Variants in SMCHD1 observed in about 807,000 individuals in gnomAD.
The protein encoded by SMCHD1 is structural maintenance of chromosomes flexible hinge domain containing 1, also known as structural maintenance of chromosomes flexible hinge domain-containing protein 1.
In SMCHD1, 78 loss-of-function variants were observed where a neutral mutation model predicts 254.7. The ratio of observed to expected loss-of-function variants is 0.31; its 90% CI spans 0.26 to 0.37. The LOEUF is 0.37. Ranked by LOEUF, SMCHD1 falls within the 10% of genes least tolerant of loss-of-function variation. The probability of loss-of-function intolerance (pLI) is 1.00; values close to 1 mark genes in which losing one functional copy is unlikely to be tolerated. For missense variants in SMCHD1, 1,840 were observed against 2,408.1 expected (o/e 0.76, Z 4.94); for synonymous variants, 766 against 794.9 (o/e 0.96, Z 0.61).
chr18:2,758,628 A>T (rs2075726212), intron 34 of SMCHD1, among the ~76,000 whole-genome samples: 1 of 152,116 alleles, frequency 6.6e-6, no homozygotes, highest in Non-Finnish European at 1.5e-5. Flanking sequence ...TTACCTGAAA[A>T]TATCTTTATT....
intron 5 of SMCHD1, among the ~76,000 whole-genome samples, chr18:2,677,592 A>G (rs913183743): frequency 6.6e-6 from 1 of 152,174 alleles, no homozygotes; most frequent in African/African-American, 2.4e-5. Flanking sequence ...GTCACTTTCT[A>G]TCTCCTGGCA....
intron 5 of SMCHD1, among the ~76,000 whole-genome samples, chr18:2,686,529 T>C (rs2074055605): frequency 6.6e-6 from 1 of 152,244 alleles, no homozygotes; most frequent in East Asian, 1.9e-4. Flanking sequence ...ACATATAGTC[T>C]GTTTTTCTCT....
intron 8 of SMCHD1, 71 bp downstream of exon 8, chr18:2,694,764 A>G: frequency 1.5e-6 from 2 of 1,313,530 alleles, no homozygotes; most frequent in Admixed American, 2.0e-5. Flanking sequence ...TTACAGATAT[A>G]TTGAAGCCTC....
At chr18:2,658,908 GCATATATACATATATACA>G (rs2073160307) in intron 1 of SMCHD1, among the ~76,000 whole-genome samples, 1 of 148,126 alleles carries the variant, frequency 6.8e-6, no homozygotes, top group Non-Finnish European at 1.5e-5. Context: ...ACGTGTATAC[GCATATATACATATATACA>G]CATATATACA....
rs1290487792 is a variant in SMCHD1, at chr18:2,793,493, CT to C, written c.5720-2455del. ...CCTGGCTAACACAGTGAAACCCTGT[CT>C]CTACTAAAAATACAAAAAAAATCAG... On this transcript the variant is annotated intron_variant, in intron 45 of 47. Coordinates refer to ENST00000320876, the MANE Select transcript of SMCHD1 (RefSeq NM_015295.3). Among the ~76,000 whole-genome samples the C allele has an allele frequency of 2.6e-5, 4 of 151,864 alleles. No individual in the cohort carries two copies. In the East Asian group the frequency reaches 7.8e-4, roughly 29 times the overall value.
chr18:2,692,096 T>C (rs2074192440), intron 7 of SMCHD1, among the ~76,000 whole-genome samples: 1 of 152,244 alleles, frequency 6.6e-6, no homozygotes, highest in Non-Finnish European at 1.5e-5. Context: ...CAAACAGTAT[T>C]TTTTTGCCTT....
chr18:2,740,975 A>G (rs1335332073), intron 28 of SMCHD1, among the ~76,000 whole-genome samples, 154 bp downstream of exon 28: 4 of 152,208 alleles, frequency 2.6e-5, no homozygotes, highest in African/African-American at 9.6e-5. Context: ...AAAAGTTTGA[A>G]CATATGCAGA....
At chr18:2,796,842 CA>C (rs2076273165) in intron 47 of SMCHD1, 2 of 251,994 alleles carry the variant, frequency 7.9e-6, no homozygotes. Flanking sequence ...CTTGGCCTCT[CA>C]AAGTACTGGG....
intron 43 of SMCHD1, 111 bp downstream of exon 43, chr18:2,778,026 GT>G (rs2076095391): frequency 1.0e-6 from 1 of 996,966 alleles, no homozygotes; most frequent in Non-Finnish European, 1.5e-6. Context: ...ATCAGTCATA[GT>G]TTTATCAGTT....
At chr18:2,765,895 AC>A (rs1484821130) in intron 37 of SMCHD1, among the ~76,000 whole-genome samples, 1 of 152,148 alleles carries the variant, frequency 6.6e-6, no homozygotes, top group Non-Finnish European at 1.5e-5. Flanking sequence ...GACATACTTA[AC>A]ATGCAGAGTG....
At chr18:2,755,135 G>T (rs939647323) in intron 34 of SMCHD1, among the ~76,000 whole-genome samples, 2 of 151,924 alleles carry the variant, frequency 1.3e-5, no homozygotes, top group Admixed American at 1.3e-4. Flanking sequence ...GCTCACTGTA[G>T]CCTTGACCTC....
At chr18:2,662,595 A>C (rs2073317051) in intron 1 of SMCHD1, among the ~76,000 whole-genome samples, 1 of 146,952 alleles carries the variant, frequency 6.8e-6, no homozygotes, top group African/African-American at 2.5e-5. Context: ...CAGTGAGCTG[A>C]GATCGTGCCA....
At chr18:2,678,592 C>T (rs1175638578) in intron 5 of SMCHD1, among the ~76,000 whole-genome samples, 1 of 152,160 alleles carries the variant, frequency 6.6e-6, no homozygotes, top group Non-Finnish European at 1.5e-5. Flanking sequence ...ACTGGGATTA[C>T]AGGCGTGAGC....
At chr18:2,719,121 A>C (rs533170201) in intron 19 of SMCHD1, among the ~76,000 whole-genome samples, 1 of 151,378 alleles carries the variant, frequency 6.6e-6, no homozygotes, top group South Asian at 2.1e-4. Flanking sequence ...TGTACCTCGT[A>C]TACCCTTTCA....
chr18:2,728,437 A>T lies in SMCHD1; in HGVS notation c.2774-20A>T. 1 of 1,609,382 alleles carries T rather than the reference A, an allele frequency of 6.2e-7. No individual in the cohort carries two copies. The highest frequency in any genetic ancestry group is 8.5e-7 in the Non-Finnish European group (1 of 1,177,820). ...TCTTTGAAACCTGAATATGTATTTC[A>T]TTGTATAATTTACTGTTAGGTCACC... On this transcript the variant is annotated intron_variant, in intron 22 of 47. Transcript: ENST00000320876.
At chr18:2,673,198 C>G in intron 3 of SMCHD1, 83 bp from the exon 4 acceptor site, 1 of 1,443,470 alleles carries the variant, frequency 6.9e-7, no homozygotes, top group Non-Finnish European at 9.2e-7. Flanking sequence ...CTTTAAGGTA[C>G]TTGATAGTTT....
chr18:2,755,167 A>T (rs2075649653), intron 34 of SMCHD1, among the ~76,000 whole-genome samples: 1 of 151,888 alleles, frequency 6.6e-6, no homozygotes, highest in Non-Finnish European at 1.5e-5. Context: ...CAATCTTCCT[A>T]CCTCAGCCTC....
chr18:2,784,339 A>C, intron 44 of SMCHD1, 111 bp from the exon 45 acceptor site: 1 of 929,570 alleles, frequency 1.1e-6, no homozygotes, highest in Non-Finnish European at 1.5e-6. Context: ...GTTTTTGAAA[A>C]TACTACTGTG....
chr18:2,770,028 A>G lies in SMCHD1; in HGVS notation c.4886A>G (p.Glu1629Gly). ...CAACAAATGGCAGCACTTACAAAAG[A>G]AAAGGACCAATTATCTCAGTCTATT... ...KQQQMAALTK[E>G]KDQLSQSIVM... The change falls in exon 39 of 48, where the codon GAA becomes GGA. Residue 1629 changes from glutamate to glycine, a missense_variant. Physicochemically the swap from Glu to Gly is moderately conservative, Grantham distance 98 (BLOSUM62 -2). This residue lies in a region of SMCHD1 where 881 missense variants were observed against 1,009.5 expected (regional missense o/e 0.87). Transcript: ENST00000320876. The G allele has an allele frequency of 6.2e-7, 1 of 1,601,106 alleles. No homozygotes were observed. Among genetic ancestry groups the G allele is most frequent in the Admixed American group, 1.8e-5 (1 of 56,250 alleles).
Sources: gnomAD v4.1 joint callset for allele counts (sites outside exome capture counted in the v4.1 genomes callset) on GRCh38, gnomAD v4.1.1 for gene constraint, gnomAD v4.1.1 regional missense constraint, MANE v1.5 for transcripts, NCBI Gene and HGNC (gene_info 2026-07-23, HGNC 2026-07-21) for gene names.